The following WWOX variants were observed in gnomAD, a reference collection of about 807,000 sequenced individuals.
The protein encoded by WWOX is WW domain containing oxidoreductase.
In WWOX, 69 loss-of-function variants were observed where a neutral mutation model predicts 46.2. That is an observed-to-expected ratio of 1.49 (90% CI 1.23 to 1.82). The LOEUF (loss-of-function observed/expected upper bound fraction) is 1.82, where lower values mean the gene tolerates loss of function less well. Ranked by LOEUF, WWOX falls within the 40% of genes most tolerant of loss-of-function variation. The probability of loss-of-function intolerance (pLI) is 0.00; values close to 1 mark genes in which losing one functional copy is unlikely to be tolerated. For missense variants in WWOX, 919 were observed against 542.6 expected (o/e 1.69, Z -6.89); for synonymous variants, 359 against 202.6 (o/e 1.77, Z -6.56).
chr16:78,389,831 A>G (rs981001793), intron 6 of WWOX, among the ~76,000 whole-genome samples: 8 of 152,158 alleles, frequency 5.3e-5, no homozygotes, highest in South Asian at 2.1e-4. Flanking sequence ...GTTCATTGCA[A>G]CCTCTGGCCT....
chr16:78,574,121 C>A (rs972271473), intron 8 of WWOX, among the ~76,000 whole-genome samples: 1 of 152,186 alleles, frequency 6.6e-6, no homozygotes, highest in African/African-American at 2.4e-5. Context: ...CCCCTCAGCT[C>A]CTAGAGGCAT....
intron 8 of WWOX, among the ~76,000 whole-genome samples, chr16:78,754,496 T>G (rs541828259): frequency 6.6e-6 from 1 of 152,316 alleles, no homozygotes; most frequent in Non-Finnish European, 1.5e-5. Context: ...TTCCTCACCT[T>G]CCTGGATTTC....
chr16:78,660,135 C>A (rs925321528), intron 8 of WWOX, among the ~76,000 whole-genome samples: 13 of 152,224 alleles, frequency 8.5e-5, no homozygotes, highest in African/African-American at 3.1e-4. Context: ...TTTCAGAGGG[C>A]CTTTCCCATC....
At chr16:78,268,095 A>T (rs919686735) in intron 5 of WWOX, among the ~76,000 whole-genome samples, 1 of 152,258 alleles carries the variant, frequency 6.6e-6, no homozygotes, top group African/African-American at 2.4e-5. Flanking sequence ...CTAGGATTAC[A>T]GGCGTGAGCC....
intron 8 of WWOX, among the ~76,000 whole-genome samples, chr16:78,590,369 A>G (rs1205635415): frequency 1.3e-5 from 2 of 152,152 alleles, no homozygotes; most frequent in Admixed American, 1.3e-4. Flanking sequence ...TGAAAGTGTT[A>G]TAGTATTAAG....
intron 8 of WWOX, among the ~76,000 whole-genome samples, chr16:78,530,035 C>G (rs960352599): frequency 6.6e-6 from 1 of 152,094 alleles, no homozygotes; most frequent in East Asian, 1.9e-4. Flanking sequence ...TAGAGGTGAA[C>G]TGCACTCACT....
At chr16:78,863,367 T>C (rs1309628938) in intron 8 of WWOX, among the ~76,000 whole-genome samples, 1 of 152,234 alleles carries the variant, frequency 6.6e-6, no homozygotes, top group African/African-American at 2.4e-5. Context: ...CCAAGTGTTC[T>C]TAACTATGGA....
chr16:78,467,613 G>T (rs1437236324), intron 8 of WWOX, among the ~76,000 whole-genome samples: 1 of 152,142 alleles, frequency 6.6e-6, no homozygotes, highest in Non-Finnish European at 1.5e-5. Context: ...ATTAAGTGGA[G>T]AAAAATCTTG....
intron 8 of WWOX, among the ~76,000 whole-genome samples, chr16:78,655,129 C>T (rs1457722013): frequency 6.6e-6 from 1 of 152,096 alleles, no homozygotes; most frequent in Non-Finnish European, 1.5e-5. Flanking sequence ...GGAAACTCGG[C>T]TCAAACTAGC....
At chr16:78,962,605 G>T (rs1208157094) in intron 8 of WWOX, among the ~76,000 whole-genome samples, 2 of 152,132 alleles carry the variant, frequency 1.3e-5, no homozygotes, top group African/African-American at 2.4e-5. Flanking sequence ...ACAGGAAGAG[G>T]AGGGCATTCA....
intron 4 of WWOX, among the ~76,000 whole-genome samples, chr16:78,141,260 A>G (rs1437712784): frequency 2.6e-5 from 4 of 152,100 alleles, no homozygotes; most frequent in Non-Finnish European, 2.9e-5. Flanking sequence ...GTCCATTTCC[A>G]CTGCGGAGAT....
At position 78,569,514 on chromosome 16, in the gene WWOX, C is replaced by T. The variant is rs552158156; in HGVS notation, c.1056+136762C>T. Reference sequence around the variant, plus strand: ...ATTCTTTTCGTAACTGCAATTTTATCGGCTCCTTTTTGTACATATATGATT... The same window carrying T: ...ATTCTTTTCGTAACTGCAATTTTATTGGCTCCTTTTTGTACATATATGATT... On this transcript the variant is annotated intron_variant, in intron 8 of 8. Transcript: ENST00000566780. 2.4e-4 allele frequency among the ~76,000 whole-genome samples: 37 copies of T among 152,264 alleles called. 1 individual carries two copies. The South Asian group carries it at 7.5e-3, about 31-fold the overall frequency.
At chr16:78,295,423 T>A (rs1401727172) in intron 5 of WWOX, among the ~76,000 whole-genome samples, 1 of 152,056 alleles carries the variant, frequency 6.6e-6, no homozygotes, top group Non-Finnish European at 1.5e-5. Context: ...TAAGAATGGT[T>A]CTCCAAGGCC....
At chr16:78,278,657 C>T (rs1461532733) in intron 5 of WWOX, 17 of 1,608,766 alleles carry the variant, frequency 1.1e-5, no homozygotes, top group Admixed American at 1.7e-5. Flanking sequence ...TTTCCACTAG[C>T]AAAAGAAGGA....
At chr16:78,389,084 G>T (rs2082122895) in intron 6 of WWOX, among the ~76,000 whole-genome samples, 1 of 152,124 alleles carries the variant, frequency 6.6e-6, no homozygotes, top group South Asian at 2.1e-4. Flanking sequence ...CCTAAGCGCA[G>T]ACCCCAAGCT....
chr16:78,672,159 A>G (rs118079974), intron 8 of WWOX, among the ~76,000 whole-genome samples: 4,340 of 152,314 alleles, frequency 0.028, 67 homozygotes, highest in East Asian at 0.075. Flanking sequence ...TTTTATTTAA[A>G]TGTCAGATTT....
intron 8 of WWOX, among the ~76,000 whole-genome samples, chr16:79,088,922 T>C (rs2048902178): frequency 6.6e-6 from 1 of 152,208 alleles, no homozygotes; most frequent in African/African-American, 2.4e-5. Context: ...TATTGGAGTG[T>C]ACTTTTAAAA....
chr16:79,107,573 TAGC>T (rs1379001837), intron 8 of WWOX, among the ~76,000 whole-genome samples: 5 of 152,230 alleles, frequency 3.3e-5, no homozygotes, highest in African/African-American at 1.2e-4. Context: ...CAGCCTGACT[TAGC>T]AGCCTGATTT....
At chr16:78,109,867 G>A (rs774748393) in intron 3 of WWOX, 32 bp downstream of exon 3, 2 of 1,613,508 alleles carry the variant, frequency 1.2e-6, no homozygotes, top group Admixed American at 1.7e-5. Flanking sequence ...ACTCTCAGCT[G>A]TTTTGCTTTT....
Sources: allele counts gnomAD v4.1 joint callset (sites outside exome capture counted in the v4.1 genomes callset), GRCh38; gene constraint gnomAD v4.1.1; transcripts MANE v1.5; gene names NCBI Gene and HGNC (gene_info 2026-07-23, HGNC 2026-07-21).